AMOTL1: variants seen among roughly 807,000 people sequenced by gnomAD.
The protein encoded by AMOTL1 is angiomotin like 1.
Under a neutral mutation model 102.9 loss-of-function variants are expected in AMOTL1, and 45 were observed. The observed-to-expected ratio is 0.44, with a 90% CI of 0.34 to 0.56. The LOEUF (loss-of-function observed/expected upper bound fraction) is 0.56. Among genes scored for constraint, AMOTL1 ranks in the 20% least tolerant of loss-of-function variants. The pLI is 0.01. For missense variants in AMOTL1, 1,114 were observed against 1,225.6 expected, an observed-to-expected ratio of 0.91 and a Z score of 1.36; for synonymous variants, 481 against 484.7, an observed-to-expected ratio of 0.99 and a Z score of 0.10.
chr11:94,840,705 C>CATATATATAT (rs1952284683), intron 6 of AMOTL1, among the ~76,000 whole-genome samples: 1 of 144,882 alleles, frequency 6.9e-6, no homozygotes, highest in Non-Finnish European at 1.5e-5. Context: ...CACACACACA[C>CATATATATAT]ACATATATAT....
At chr11:94,735,966 C>T (rs373903240) in intron 2 of AMOTL1, among the ~76,000 whole-genome samples, 4 of 152,174 alleles carry the variant, frequency 2.6e-5, no homozygotes, top group East Asian at 3.9e-4. Context: ...CATCAACTCA[C>T]GATATATCAT....
At chr11:94,821,971 C>G in intron 4 of AMOTL1, 150 bp downstream of exon 4, 1 of 1,070,148 alleles carries the variant, frequency 9.3e-7, no homozygotes, top group South Asian at 1.6e-5. Flanking sequence ...ATAAATATGA[C>G]CCAGTTCCTG....
intron 1 of AMOTL1, among the ~76,000 whole-genome samples, chr11:94,724,102 T>A (rs186023036): frequency 1.4e-3 from 219 of 152,224 alleles, no homozygotes; most frequent in African/African-American, 4.2e-3. Context: ...AGAAGGAAGA[T>A]CCCATTGTGT....
upstream of AMOTL1, chr11:94,768,176 C>A: frequency 1.3e-6 from 1 of 749,348 alleles, no homozygotes; most frequent in Non-Finnish European, 1.6e-6. Flanking sequence ...AGCTTGAGCT[C>A]TGGGCAATTT....
chr11:94,733,273 G>A (rs1035147300), intron 2 of AMOTL1, among the ~76,000 whole-genome samples: 3 of 152,136 alleles, frequency 2.0e-5, no homozygotes, highest in African/African-American at 7.2e-5. Context: ...TATTTTTCTT[G>A]CGTACTCTGT....
At chr11:94,733,826 G>A (rs997188754) in intron 2 of AMOTL1, among the ~76,000 whole-genome samples, 9 of 152,126 alleles carry the variant, frequency 5.9e-5, no homozygotes, top group Non-Finnish European at 1.0e-4. Flanking sequence ...TCCTCTGCAG[G>A]GACCTTTTCT....
At chr11:94,714,389 G>A (rs1314077195) in intron 1 of AMOTL1, among the ~76,000 whole-genome samples, 1 of 151,976 alleles carries the variant, frequency 6.6e-6, no homozygotes, top group Non-Finnish European at 1.5e-5. Context: ...GGTAGTACTG[G>A]CCTCATAAAA....
Position 94,870,747 on chromosome 11 carries a change from G to C in AMOTL1, c.2823G>C (p.Leu941=), listed in dbSNP as rs116313699. ...ACAGAGGCCGGGTCAGCAGCTTGCT[G>C]CACAAGCCCGAGTTCCCTGATGGAG... ...PDHRGRVSSL[L]HKPEFPDGEM... Residue 941 remains leucine (L), a synonymous_variant, in exon 13 of 13, where the codon CTG becomes CTC. Coordinates refer to ENST00000433060, the MANE Select transcript of AMOTL1 (RefSeq NM_130847.3). The C allele has an allele frequency of 6.2e-7, 1 of 1,603,500 alleles. No homozygotes were observed. Among genetic ancestry groups the C allele is most frequent in the African/African-American group, 1.3e-5 (1 of 74,790 alleles).
intron 3 of AMOTL1, among the ~76,000 whole-genome samples, chr11:94,806,957 T>G (rs1160278173): frequency 1.3e-5 from 2 of 152,194 alleles, no homozygotes; most frequent in East Asian, 3.8e-4. Flanking sequence ...TTCCTTCCGG[T>G]AGCAAATTGC....
At chr11:94,784,948 A>G (rs1285097788) in intron 1 of AMOTL1, among the ~76,000 whole-genome samples, 2 of 145,546 alleles carry the variant, frequency 1.4e-5, no homozygotes, top group Admixed American at 1.4e-4. Flanking sequence ...AAGTGGCAAC[A>G]CAGCCATGAA....
chr11:94,830,118 A>C lies in AMOTL1; in HGVS notation c.1482A>C (p.Glu494Asp). ...TGGTCAAGTCTACCACCAAGCGAGA[A>C]TCGCTGGACAAGGCCATGAGAAACA... is the stretch of plus-strand genomic sequence containing the variant. The part of the protein sequence containing the change: ...ESLVKSTTKR[E>D]SLDKAMRNKL... Residue 494 changes from glutamate (E) to aspartate (D), a missense_variant, in exon 5 of 13, where the codon GAA becomes GAC. Transcript: ENST00000433060. 3 of 1,611,014 alleles carry C rather than the reference A, an allele frequency of 1.9e-6. No individual in the cohort carries two copies. The highest frequency in any genetic ancestry group is 2.5e-6 in the Non-Finnish European group (3 of 1,178,552).
chr11:94,720,099 G>C (rs1950153618), intron 1 of AMOTL1, among the ~76,000 whole-genome samples: 1 of 152,118 alleles, frequency 6.6e-6, no homozygotes. Context: ...TAATTACTTG[G>C]GGATGCGATC....
chr11:94,799,832 G>A lies in AMOTL1; in HGVS notation c.642G>A (p.Val214=). Residue 214 remains valine (V), a synonymous_variant, in exon 3 of 13, where the codon GTG becomes GTA. Transcript: ENST00000433060. The surrounding 1 kb of genome is among the most constrained non-coding windows in gnomAD (Gnocchi z 4.5). ...QQQQQQQQGA[V]GHGYYMAGGT... The stretch of plus-strand genomic sequence containing the variant: ...AGCAGCAACAGCAGCAGGGGGCGGT[G>A]GGCCATGGTTACTACATGGCAGGGG... The A allele has an allele frequency of 6.3e-7, 1 of 1,593,902 alleles. No homozygotes were observed. Among genetic ancestry groups the A allele is most frequent in the Non-Finnish European group, 8.5e-7 (1 of 1,169,704 alleles).
At chr11:94,759,481 A>T (rs541514839) in intron 3 of AMOTL1, among the ~76,000 whole-genome samples, 6 of 150,674 alleles carry the variant, frequency 4.0e-5, no homozygotes, top group Non-Finnish European at 8.8e-5. Flanking sequence ...CTCACCATAT[A>T]TGGATCATTC....
chr11:94,772,897 T>G (rs1265682691), intron 1 of AMOTL1, among the ~76,000 whole-genome samples: 1 of 152,242 alleles, frequency 6.6e-6, no homozygotes, highest in Admixed American at 6.5e-5. Context: ...TTAGTTGTCC[T>G]AATAGGTGTT....
intron 6 of AMOTL1, among the ~76,000 whole-genome samples, chr11:94,848,072 G>A (rs1221690167): frequency 3.3e-5 from 5 of 152,188 alleles, no homozygotes; most frequent in African/African-American, 9.6e-5. Flanking sequence ...GAGAAGGCCA[G>A]CAGCCACTAT....
At chr11:94,706,654 G>A (rs938236535) in intron 1 of AMOTL1, 7 of 152,214 alleles carry the variant, frequency 4.6e-5, no homozygotes, top group African/African-American at 1.4e-4. Flanking sequence ...ACGAGGGGGG[G>A]ATTTTGGAAG....
intron 3 of AMOTL1, among the ~76,000 whole-genome samples, chr11:94,810,831 G>GACACACACACACAC (rs3995610): frequency 7.0e-6 from 1 of 143,656 alleles, no homozygotes; most frequent in African/African-American, 2.6e-5. Context: ...AAAAATAAAA[G>GACACACACACACAC]ACACACACAC....
At chr11:94,820,847 C>G (rs1487391137) in intron 3 of AMOTL1, among the ~76,000 whole-genome samples, 1 of 152,170 alleles carries the variant, frequency 6.6e-6, no homozygotes, top group Admixed American at 6.5e-5. Flanking sequence ...GGTTCAAGCT[C>G]CTATGAGAAT....
Sources: gnomAD v4.1 joint callset for allele counts (sites outside exome capture counted in the v4.1 genomes callset) on GRCh38, gnomAD v4.1.1 for gene constraint, Gnocchi (gnomAD v3.1) non-coding constraint, MANE v1.5 for transcripts, NCBI Gene and HGNC (gene_info 2026-07-23, HGNC 2026-07-21) for gene names.